AP3S1: variants seen among roughly 807,000 people sequenced by gnomAD.
AP3S1 encodes AP-3 complex subunit sigma-1.
Under a neutral mutation model 21.3 loss-of-function variants are expected in AP3S1, and 12 were observed. That is an observed-to-expected ratio of 0.56 (90% CI 0.36 to 0.91). AP3S1 has a LOEUF of 0.91. Among genes scored for constraint, AP3S1 ranks in the 40% least tolerant of loss-of-function variants. The pLI, the probability that AP3S1 is intolerant of heterozygous loss-of-function variation, is 0.01. For missense variants in AP3S1, 116 were observed against 225.0 expected (o/e 0.52, Z 3.10); for synonymous variants, 48 against 78.4 (o/e 0.61, Z 2.05).
chr5:115,873,872 ATATGTAAC>A (rs1327181068), intron 3 of AP3S1, among the ~76,000 whole-genome samples: 1 of 152,148 alleles, frequency 6.6e-6, no homozygotes, highest in Admixed American at 6.5e-5. Context: ...AGAAAACTCA[ATATGTAAC>A]TATTAAACCT....
intron 1 of AP3S1, among the ~76,000 whole-genome samples, chr5:115,855,905 T>C (rs530243907): frequency 6.6e-6 from 1 of 152,176 alleles, no homozygotes; most frequent in South Asian, 2.1e-4. Context: ...TAGAGGGAAG[T>C]TTTAAAGTTG....
intron 1 of AP3S1, among the ~76,000 whole-genome samples, chr5:115,860,886 G>A (rs1763123137): frequency 6.6e-6 from 1 of 152,066 alleles, no homozygotes; most frequent in Non-Finnish European, 1.5e-5. Context: ...GTACCATACT[G>A]CCTTAACTTT....
intron 3 of AP3S1, 130 bp from the exon 4 acceptor site, chr5:115,894,957 C>A: frequency 1.7e-6 from 1 of 578,446 alleles, no homozygotes; most frequent in Non-Finnish European, 3.0e-6. Flanking sequence ...TGCATTAATA[C>A]AATTTTTAGT....
At chr5:115,901,404 T>C (rs1235631774) in intron 4 of AP3S1, among the ~76,000 whole-genome samples, 1 of 151,322 alleles carries the variant, frequency 6.6e-6, no homozygotes, top group East Asian at 1.9e-4. Context: ...TTTTTTTTTT[T>C]TTTTTTTTTA....
chr5:115,907,302 T>A (rs941789825), intron 5 of AP3S1, among the ~76,000 whole-genome samples: 1 of 152,188 alleles, frequency 6.6e-6, no homozygotes, highest in Admixed American at 6.5e-5. Context: ...CCTGCTGGGT[T>A]TTGGAAGCTG....
intron 5 of AP3S1, among the ~76,000 whole-genome samples, chr5:115,911,279 A>G (rs1412277277): frequency 6.6e-6 from 1 of 152,028 alleles, no homozygotes. Context: ...TACTGAAAAC[A>G]TTATGTTTAC....
intron 1 of AP3S1, among the ~76,000 whole-genome samples, chr5:115,865,692 T>G (rs1215454926): frequency 6.6e-6 from 1 of 152,228 alleles, no homozygotes; most frequent in Non-Finnish European, 1.5e-5. Context: ...TAATTACTAC[T>G]GCGATTTAGT....
chr5:115,845,004 G>A (rs974173043), intron 1 of AP3S1, among the ~76,000 whole-genome samples: 2 of 152,136 alleles, frequency 1.3e-5, no homozygotes, highest in Non-Finnish European at 2.9e-5. Context: ...ATAGAGTTGG[G>A]ATTAGTTAAC....
At chr5:115,854,164 G>T (rs1198076547) in intron 1 of AP3S1, among the ~76,000 whole-genome samples, 3 of 152,118 alleles carry the variant, frequency 2.0e-5, no homozygotes, top group African/African-American at 7.2e-5. Flanking sequence ...ATTCATTCAT[G>T]AGAGCAGAGC....
At chr5:115,875,357 C>A (rs1353485672) in intron 3 of AP3S1, among the ~76,000 whole-genome samples, 1 of 152,140 alleles carries the variant, frequency 6.6e-6, no homozygotes, top group African/African-American at 2.4e-5. Context: ...GAGGTAGGTA[C>A]TTCTGACCGA....
At chr5:115,899,078 A>G (rs1044252879) in intron 4 of AP3S1, among the ~76,000 whole-genome samples, 1 of 152,172 alleles carries the variant, frequency 6.6e-6, no homozygotes, top group Non-Finnish European at 1.5e-5. Flanking sequence ...TCCTCTCTGC[A>G]TTCCCCCACT....
At chr5:115,869,327 CT>C (rs2112837129) in intron 2 of AP3S1, among the ~76,000 whole-genome samples, 1 of 152,126 alleles carries the variant, frequency 6.6e-6, no homozygotes, top group Non-Finnish European at 1.5e-5. Flanking sequence ...AAGTGTCATT[CT>C]TCTTTTTTTT....
At chr5:115,853,063 G>A in intron 1 of AP3S1, 1 of 450,336 alleles carries the variant, frequency 2.2e-6, no homozygotes, top group Non-Finnish European at 4.5e-6. Context: ...ATATTCTAAA[G>A]TGACTGTACC....
intron 1 of AP3S1, 35 bp downstream of exon 1, chr5:115,842,141 G>C (rs771503181): frequency 1.3e-6 from 2 of 1,527,042 alleles, no homozygotes; most frequent in Non-Finnish European, 1.8e-6. Flanking sequence ...CGGGCGAGGG[G>C]GAGTCGTTGG....
At chr5:115,848,435 CTT>C (rs1305536834) in intron 1 of AP3S1, among the ~76,000 whole-genome samples, 4 of 152,138 alleles carry the variant, frequency 2.6e-5, no homozygotes, top group East Asian at 1.9e-4. Context: ...CAGCCACTCT[CTT>C]GTTAAAATTT....
intron 3 of AP3S1, among the ~76,000 whole-genome samples, chr5:115,878,836 A>G (rs1212369618): frequency 1.3e-5 from 2 of 152,130 alleles, no homozygotes; most frequent in African/African-American, 4.8e-5. Flanking sequence ...TGAGCATGGA[A>G]TGTTTTTCCA....
chr5:115,842,303 C>T (rs1761646506), intron 1 of AP3S1, among the ~76,000 whole-genome samples, 197 bp downstream of exon 1: 3 of 152,292 alleles, frequency 2.0e-5, no homozygotes, highest in East Asian at 1.9e-4. Context: ...GGTCAGCCAC[C>T]GACGTGGCTT....
Position 115,895,068 on chromosome 5 carries a change from CT to C in AP3S1, c.274-13del, listed in dbSNP as rs761670924. ...AATAAATTTAAACAGTTCTTAAAAC[CT>C]TTTTTCTTTTTCCATAGGTATTTGT... On this transcript the variant is annotated intron_variant, in intron 3 of 5. Transcript: ENST00000316788. The C allele has an allele frequency of 3.9e-6, 6 of 1,556,220 alleles. No homozygotes were observed. The highest frequency in any genetic ancestry group is 4.4e-6 in the Non-Finnish European group (5 of 1,140,488).
intron 2 of AP3S1, 88 bp from the exon 3 acceptor site, chr5:115,869,929 G>A: frequency 1.3e-6 from 1 of 777,674 alleles, no homozygotes; most frequent in East Asian, 3.0e-5. Context: ...TTGACAAGTG[G>A]TTTTTAAACA....
Sources: gnomAD v4.1 joint callset for allele counts (sites outside exome capture counted in the v4.1 genomes callset) on GRCh38, gnomAD v4.1.1 for gene constraint, MANE v1.5 for transcripts, NCBI Gene and HGNC (gene_info 2026-07-23, HGNC 2026-07-21) for gene names.